HEATR5B: variants seen among roughly 807,000 people sequenced by gnomAD.
HEATR5B encodes HEAT repeat containing 5B.
Under a neutral mutation model 224.1 loss-of-function variants are expected in HEATR5B, and 156 were observed. The observed-to-expected ratio is 0.70, with a 90% CI of 0.61 to 0.80. The LOEUF is 0.80. Among genes scored for constraint, HEATR5B ranks in the 30% least tolerant of loss-of-function variants. The probability of loss-of-function intolerance (pLI) is 0.00; values close to 1 mark genes in which losing one functional copy is unlikely to be tolerated. For synonymous variants in HEATR5B, 1,027 were observed against 893.0 expected (o/e 1.15, Z -2.68); for missense variants, 2,323 against 2,535.5 (o/e 0.92, Z 1.80).
chr2:37,079,060 C>A (rs575081590), intron 3 of HEATR5B, 60 bp downstream of exon 3: 2 of 1,073,604 alleles, frequency 1.9e-6, no homozygotes, highest in African/African-American at 3.2e-5. Context: ...TAGTCTCCTA[C>A]TAAGTTTCCT....
chr2:37,057,210 A>T (rs1421182935), intron 15 of HEATR5B, 107 bp downstream of exon 15: 10 of 763,760 alleles, frequency 1.3e-5, no homozygotes, highest in Non-Finnish European at 2.0e-5. Context: ...AGAACACTAA[A>T]TGGGGATTAA....
Position 37,068,735 on chromosome 2 carries a change from T to A in HEATR5B, c.1123A>T (p.Ile375Phe). The A allele has an allele frequency of 6.2e-7, 1 of 1,614,196 alleles. No individual in the cohort carries two copies. The highest frequency in any genetic ancestry group is 8.5e-7 in the Non-Finnish European group (1 of 1,180,022). ...VGSLLGEKAQIAAAKEICQAI... is the reference protein window; with the variant it reads ...VGSLLGEKAQFAAAKEICQAI... ...TGGCAGATTTCTTTGGCAGCTGCAATCTGGGCTTTTTCACCTAGCAAACTG... is the reference window on the plus strand; with the variant it reads ...TGGCAGATTTCTTTGGCAGCTGCAAACTGGGCTTTTTCACCTAGCAAACTG... The change falls in exon 8 of 36, where the codon ATT (isoleucine) becomes TTT (phenylalanine). Residue 375 changes from isoleucine (I) to phenylalanine (F), a missense_variant. By Grantham distance (21) the Ile-to-Phe change is conservative. Around this residue, in one of 12 missense-constraint regions of HEATR5B, gnomAD observed 502 missense variants for 517.8 expected, o/e 0.97. Transcript: ENST00000233099.
At chr2:37,060,099 T>C (rs915020930) in intron 12 of HEATR5B, among the ~76,000 whole-genome samples, 1 of 152,224 alleles carries the variant, frequency 6.6e-6, no homozygotes, top group Non-Finnish European at 1.5e-5. Flanking sequence ...AAAACAACTG[T>C]ATCCGTTATT....
intron 27 of HEATR5B, among the ~76,000 whole-genome samples, chr2:37,012,016 G>C (rs957810106): frequency 2.0e-5 from 3 of 151,938 alleles, no homozygotes; most frequent in African/African-American, 7.2e-5. Context: ...ATATCTTTCA[G>C]ACCTATTTTA....
At position 36,984,213 on chromosome 2, in the gene HEATR5B, A is replaced by T. The variant is rs865960825; in HGVS notation, c.5912-2419T>A. Among the ~76,000 whole-genome samples, 67 of 86,116 alleles carry T rather than the reference A, an allele frequency of 7.8e-4. 3 individuals are homozygous for T. Among genetic ancestry groups the T allele is most frequent in the Middle Eastern group, 4.9e-3 (1 of 204 alleles). 56.5% of individuals were successfully genotyped at this position (86,116 alleles called of 152,430 possible). ...GAAACTCTGTCTCAAAAAAAAAAAA[A>T]AAATATATATATATATATATATATA... On this transcript the variant is annotated intron_variant, in intron 35 of 35. Transcript: ENST00000233099.
intron 30 of HEATR5B, among the ~76,000 whole-genome samples, chr2:37,004,813 A>G (rs1476593073): frequency 1.3e-5 from 2 of 151,932 alleles, no homozygotes; most frequent in African/African-American, 4.8e-5. Context: ...TTTATCCTCA[A>G]GCTTCCAATC....
chr2:37,076,403 G>C (rs1185719650), intron 4 of HEATR5B, among the ~76,000 whole-genome samples: 1 of 152,302 alleles, frequency 6.6e-6, no homozygotes, highest in African/African-American at 2.4e-5. Context: ...AAAGGAGACA[G>C]AGATGGGAGA....
At chr2:37,050,503 C>T (rs1670470557) in intron 17 of HEATR5B, among the ~76,000 whole-genome samples, 2 of 152,160 alleles carry the variant, frequency 1.3e-5, no homozygotes, top group Non-Finnish European at 2.9e-5. Context: ...AAATTTATCA[C>T]TCTAAGGAAA....
chr2:37,079,034 G>A (rs1302798100), intron 3 of HEATR5B, 86 bp downstream of exon 3: 1 of 744,828 alleles, frequency 1.3e-6, no homozygotes, highest in Non-Finnish European at 2.2e-6. Flanking sequence ...ACCCACCTGG[G>A]GGTTTTTATG....
In HEATR5B at chr2:37,069,234, C is replaced by A. The variant is rs985634331; in HGVS notation, c.928-304G>T. On this transcript the variant is annotated intron_variant, in intron 7 of 35. Coordinates refer to ENST00000233099, the MANE Select transcript of HEATR5B (RefSeq NM_019024.3). Reference sequence around the variant, plus strand: ...TCGGGAAGGTAACAGGTTACAGAAACAAGAAAACCTTAACATCCTAAATAA... The same window carrying A: ...TCGGGAAGGTAACAGGTTACAGAAAAAAGAAAACCTTAACATCCTAAATAA... Among the ~76,000 whole-genome samples the A allele has an allele frequency of 3.9e-5, 6 of 152,148 alleles. No homozygotes were observed. In the East Asian group the frequency reaches 9.6e-4, roughly 24 times the overall value.
intron 34 of HEATR5B, among the ~76,000 whole-genome samples, chr2:36,989,459 T>C (rs1666173600): frequency 2.0e-5 from 3 of 152,220 alleles, no homozygotes; most frequent in South Asian, 4.1e-4. Context: ...CTTCCTTTAA[T>C]GTACAATTGT....
rs889210533 is a variant in HEATR5B at position 37,075,642 on chromosome 2, T to C, written c.448-8A>G. On this transcript the variant is annotated splice_polypyrimidine_tract_variant and splice_region_variant and intron_variant, in intron 4 of 35. Coordinates refer to ENST00000233099, the MANE Select transcript of HEATR5B (RefSeq NM_019024.3). ...TTCACTTCGCCCTTGAGACTAGACATGTATACAAAACAAAACTATTTTGTA... is the reference window on the plus strand; with the variant it reads ...TTCACTTCGCCCTTGAGACTAGACACGTATACAAAACAAAACTATTTTGTA... 19 of 1,603,650 alleles carry C rather than the reference T, an allele frequency of 1.2e-5. No homozygotes were observed. Among genetic ancestry groups the C allele is most frequent in the Non-Finnish European group, 1.5e-5 (18 of 1,174,950 alleles).
At position 37,023,860 on chromosome 2, in the gene HEATR5B, T is replaced by A. The variant is rs1668610664; in HGVS notation, c.3854-3024A>T. 2.6e-5 allele frequency among the ~76,000 whole-genome samples: 4 copies of A among 152,122 alleles called. No individual in the cohort carries two copies. In the South Asian group the frequency reaches 8.3e-4, roughly 32 times the overall value. On this transcript the variant is annotated intron_variant, in intron 24 of 35. Coordinates refer to ENST00000233099, the MANE Select transcript of HEATR5B (RefSeq NM_019024.3). Reference sequence around the variant, plus strand: ...GAGGCAAGCAGAGAAGGCAAAACATTTGGCTAGAAGCCCACAGTGCTTCCT... The same window carrying A: ...GAGGCAAGCAGAGAAGGCAAAACATATGGCTAGAAGCCCACAGTGCTTCCT...
chr2:37,041,758 T>TAA (rs1669886501), intron 18 of HEATR5B, among the ~76,000 whole-genome samples: 1 of 149,368 alleles, frequency 6.7e-6, no homozygotes, highest in Non-Finnish European at 1.5e-5. Flanking sequence ...AATAATAATA[T>TAA]TAATAATAAT....
chr2:37,001,747 T>A (rs564164490), intron 32 of HEATR5B, among the ~76,000 whole-genome samples: 17 of 151,822 alleles, frequency 1.1e-4, no homozygotes, highest in South Asian at 2.1e-4. Flanking sequence ...CACTGCAGCC[T>A]CTGCCTCCCG....
At chr2:37,001,757 G>A (rs12475211) in intron 32 of HEATR5B, among the ~76,000 whole-genome samples, 9,215 of 151,356 alleles carry the variant, frequency 0.061, 467 homozygotes, top group African/African-American at 0.14. Context: ...TCTGCCTCCC[G>A]GGTTCAAGTG....
chr2:37,084,190 A>G, intron 1 of HEATR5B, 79 bp downstream of exon 1: 1 of 316,086 alleles, frequency 3.2e-6, no homozygotes, highest in Non-Finnish European at 5.8e-6. Flanking sequence ...TACGAACTCA[A>G]ATGTCTTCCC....
At chr2:37,082,276 C>T (rs988384985) in intron 2 of HEATR5B, among the ~76,000 whole-genome samples, 9 of 151,662 alleles carry the variant, frequency 5.9e-5, no homozygotes, top group Non-Finnish European at 1.0e-4. Context: ...AACGGGGTTT[C>T]ACCATGTTGG....
At position 37,076,976 on chromosome 2, in the gene HEATR5B, T is replaced by C; in HGVS notation, c.382A>G (p.Arg128Gly). 4 of 1,614,086 alleles carry C rather than the reference T, an allele frequency of 2.5e-6. No homozygotes were observed. The highest frequency in any genetic ancestry group is 1.7e-6 in the Non-Finnish European group (2 of 1,180,004). Residue 128 changes from arginine to glycine, a missense_variant, in exon 4 of 36, where the codon AGA becomes GGA. Arg to Gly is a moderately radical substitution (Grantham distance 125, BLOSUM62 -2). This residue lies in a region of HEATR5B where 292 missense variants were observed against 332.6 expected (regional missense o/e 0.88). Transcript: ENST00000233099. ...CVGAFYEKMGRMLGSAFPETV... is the reference protein window; with the variant it reads ...CVGAFYEKMGGMLGSAFPETV... ...TCTGGAAATGCGCTGCCCAACATTC[T>C]CCCCATTTTTTCATAAAATGCTCCG...
Sources: allele counts gnomAD v4.1 joint callset (sites outside exome capture counted in the v4.1 genomes callset), GRCh38; gene constraint gnomAD v4.1.1; regional missense constraint gnomAD v4.1.1; transcripts MANE v1.5; gene names NCBI Gene and HGNC (gene_info 2026-07-23, HGNC 2026-07-21).